The following CAMTA1 variants were observed in gnomAD, a reference collection of about 807,000 sequenced individuals.
CAMTA1 encodes calmodulin binding transcription activator 1, also known as calmodulin-binding transcription activator 1.
A neutral mutation model predicts 170.9 loss-of-function variants in CAMTA1; 27 were observed. The ratio of observed to expected loss-of-function variants is 0.16; its 90% CI spans 0.12 to 0.22. The LOEUF (loss-of-function observed/expected upper bound fraction) is 0.22. Ranked by LOEUF, CAMTA1 falls within the 10% of genes least tolerant of loss-of-function variation. CAMTA1 has a pLI of 1.00. For synonymous variants in CAMTA1, 833 were observed against 891.5 expected (o/e 0.93, Z 1.17); for missense variants, 1,619 against 2,217.2 (o/e 0.73, Z 5.42).
intron 3 of CAMTA1, among the ~76,000 whole-genome samples, chr1:6,868,006 A>G (rs1321976315): frequency 2.0e-5 from 3 of 152,050 alleles, no homozygotes; most frequent in East Asian, 1.9e-4. Flanking sequence ...GGATCTCCCT[A>G]TATTGCCCGG....
intron 7 of CAMTA1, among the ~76,000 whole-genome samples, chr1:7,649,220 G>A (rs2095831382): frequency 6.6e-6 from 1 of 152,236 alleles, no homozygotes; most frequent in African/African-American, 2.4e-5. Context: ...TTGCACTTGT[G>A]AGAAACCCTG....
At chr1:7,276,043 C>T (rs12048158) in intron 5 of CAMTA1, among the ~76,000 whole-genome samples, 34,229 of 151,090 alleles carry the variant, frequency 0.23, 4,332 homozygotes, top group Admixed American at 0.32. Context: ...TAATACACCA[C>T]GATTAATTAT....
Position 7,173,254 on chromosome 1 carries a change from C to T in CAMTA1, c.303-76237C>T, listed in dbSNP as rs1013792629. The stretch of plus-strand genomic sequence containing the variant: ...CAGGCACATCATCCTAAACTGGGCA[C>T]GATAATCCCCCTGAGGCGGAGTTGT... On this transcript the variant is annotated intron_variant, in intron 4 of 22. Coordinates refer to ENST00000303635, the MANE Select transcript of CAMTA1 (RefSeq NM_015215.4). The surrounding 1 kb of genome is among the most constrained non-coding windows in gnomAD (Gnocchi z 5.4). Among the ~76,000 whole-genome samples, 9 of 152,108 alleles carry T rather than the reference C, an allele frequency of 5.9e-5. No homozygotes were observed. The highest frequency in any genetic ancestry group is 2.1e-4 in the South Asian group (1 of 4,816).
At chr1:7,396,718 T>G (rs2089339119) in intron 5 of CAMTA1, among the ~76,000 whole-genome samples, 1 of 152,206 alleles carries the variant, frequency 6.6e-6, no homozygotes, top group African/African-American at 2.4e-5. Flanking sequence ...ATGTCAAATT[T>G]TATCAAATGC....
intron 5 of CAMTA1, among the ~76,000 whole-genome samples, chr1:7,324,546 T>G (rs1246299255): frequency 6.6e-6 from 1 of 152,216 alleles, no homozygotes; most frequent in African/African-American, 2.4e-5. Flanking sequence ...TTTTCTTTCC[T>G]TCTTTCGCCA....
intron 5 of CAMTA1, among the ~76,000 whole-genome samples, chr1:7,369,810 C>T (rs1335449776): frequency 6.6e-6 from 1 of 152,142 alleles, no homozygotes. Flanking sequence ...CGAGCATGGC[C>T]CAAAGCTCCA....
Position 7,609,339 on chromosome 1 carries a change from C to A in CAMTA1, c.511-31061C>A, listed in dbSNP as rs1249866823. 1.3e-5 allele frequency among the ~76,000 whole-genome samples: 2 copies of A among 152,202 alleles called. No homozygotes were observed. The highest frequency in any genetic ancestry group is 2.9e-5 in the Non-Finnish European group (2 of 68,028). ...TCAGACATCATGTTTACCCATCAGACGCTGTTTTCCTGACACTCAACACTC... is the reference window on the plus strand; with the variant it reads ...TCAGACATCATGTTTACCCATCAGAAGCTGTTTTCCTGACACTCAACACTC... On this transcript the variant is annotated intron_variant, in intron 6 of 22. Transcript: ENST00000303635. The surrounding 1 kb of genome is among the most constrained non-coding windows in gnomAD (Gnocchi z 4.4).
intron 5 of CAMTA1, among the ~76,000 whole-genome samples, chr1:7,460,522 C>A (rs567169410): frequency 1.3e-5 from 2 of 152,218 alleles, no homozygotes; most frequent in East Asian, 3.9e-4. Context: ...GGGATCTGGT[C>A]CCACACGTTC....
At chr1:7,497,869 A>T (rs1446862095) in intron 6 of CAMTA1, among the ~76,000 whole-genome samples, 4 of 152,198 alleles carry the variant, frequency 2.6e-5, no homozygotes, top group African/African-American at 9.7e-5. Context: ...GTGCAAAGTC[A>T]AAACACTGAG....
intron 5 of CAMTA1, among the ~76,000 whole-genome samples, chr1:7,292,055 G>A (rs1006469886): frequency 1.2e-4 from 19 of 152,110 alleles, no homozygotes; most frequent in Admixed American, 6.5e-4. Context: ...GCAGAAATTC[G>A]CAATTAAATC....
intron 5 of CAMTA1, among the ~76,000 whole-genome samples, chr1:7,257,177 C>A (rs1252177004): frequency 6.6e-6 from 1 of 151,988 alleles, no homozygotes; most frequent in African/African-American, 2.4e-5. Context: ...ATGACAAGAG[C>A]AGCAGTAATC....
intron 6 of CAMTA1, among the ~76,000 whole-genome samples, chr1:7,528,330 A>G (rs2094452778): frequency 6.6e-6 from 1 of 152,190 alleles, no homozygotes; most frequent in Non-Finnish European, 1.5e-5. Flanking sequence ...ATGTTCATTG[A>G]TGAAAACTTA....
Position 7,664,877 on chromosome 1 carries a change from T to C in CAMTA1, c.2330T>C (p.Ile777Thr). 1 of 1,613,330 alleles carries C rather than the reference T, an allele frequency of 6.2e-7. No individual in the cohort carries two copies. Among genetic ancestry groups the C allele is most frequent in the Non-Finnish European group, 8.5e-7 (1 of 1,180,014 alleles). Residue 777 changes from isoleucine to threonine, a missense_variant, in exon 9 of 23, where the codon ATC becomes ACC. This residue lies in a region of CAMTA1 where 731 missense variants were observed against 907.6 expected (regional missense o/e 0.81). Transcript: ENST00000303635. ...ISFSNQFSDL[I>T]NDFISVEGGS... Reference sequence around the variant, plus strand: ...TTCAGCAACCAGTTCTCCGACCTGATCAACGACTTCATCTCCGTGGAGGGG... The same window carrying C: ...TTCAGCAACCAGTTCTCCGACCTGACCAACGACTTCATCTCCGTGGAGGGG...
At chr1:7,306,810 G>A (rs1162041246) in intron 5 of CAMTA1, among the ~76,000 whole-genome samples, 2 of 151,452 alleles carry the variant, frequency 1.3e-5, no homozygotes, top group Middle Eastern at 3.4e-3. Flanking sequence ...CTACGTTGGT[G>A]GATTGAACCA....
At position 7,769,522 on chromosome 1, in the gene CAMTA1, T is replaced by G. The variant is rs1439417739; in HGVS notation, c.*3031T>G. On this transcript the variant is annotated 3_prime_UTR_variant, in exon 23 of 23. Transcript: ENST00000303635. ...GTAAAACTAGTCTAGATGTCTTCTT[T>G]TTTTGTAAGTTTTATTTTTGTAATT... 1.3e-5 allele frequency: 2 copies of G among 152,788 alleles called. No homozygotes were observed. Among genetic ancestry groups the G allele is most frequent in the African/African-American group, 4.8e-5 (2 of 41,460 alleles). The allele number at this position is 152,788 out of a possible 1,614,324, so 9.5% of individuals were successfully genotyped here. A position where few individuals can be genotyped will look rare whatever the true frequency, so the allele number is the denominator to read the frequency against.
intron 9 of CAMTA1, among the ~76,000 whole-genome samples, chr1:7,668,431 AC>A (rs1167418145): frequency 8.1e-6 from 1 of 123,162 alleles, no homozygotes; most frequent in Non-Finnish European, 1.6e-5. Context: ...ACACACACAC[AC>A]CCACCACACA....
At chr1:7,233,128 A>T (rs1663152050) in intron 4 of CAMTA1, among the ~76,000 whole-genome samples, 1 of 152,228 alleles carries the variant, frequency 6.6e-6, no homozygotes, top group Admixed American at 6.5e-5. Context: ...CAACTCTAAC[A>T]GACCGTCACA....
chr1:7,765,097 T>C (rs1387537791), intron 22 of CAMTA1, among the ~76,000 whole-genome samples: 1 of 152,248 alleles, frequency 6.6e-6, no homozygotes, highest in Non-Finnish European at 1.5e-5. Context: ...GATCATGCTG[T>C]TGCAGTAGAG....
chr1:7,723,072 C>CT (rs540252987), intron 11 of CAMTA1, among the ~76,000 whole-genome samples: 1 of 152,058 alleles, frequency 6.6e-6, no homozygotes, highest in South Asian at 2.1e-4. Context: ...TCGAGAAGGC[C>CT]TAGAAGCAGT....
Sources: gnomAD v4.1 joint callset for allele counts (sites outside exome capture counted in the v4.1 genomes callset) on GRCh38, gnomAD v4.1.1 for gene constraint, gnomAD v4.1.1 regional missense constraint, Gnocchi (gnomAD v3.1) non-coding constraint, MANE v1.5 for transcripts, NCBI Gene and HGNC (gene_info 2026-07-23, HGNC 2026-07-21) for gene names.